Variants in KCNJ6 observed in about 807,000 individuals in gnomAD.
KCNJ6 encodes G protein-activated inward rectifier potassium channel 2.
In KCNJ6, 9 loss-of-function variants were observed where a neutral mutation model predicts 34.2. The observed-to-expected ratio is 0.26, with a 90% CI of 0.16 to 0.46. The LOEUF (loss-of-function observed/expected upper bound fraction) is 0.46. Among genes scored for constraint, KCNJ6 ranks in the 20% least tolerant of loss-of-function variants. The probability of loss-of-function intolerance (pLI) is 1.00; values close to 1 mark genes in which losing one functional copy is unlikely to be tolerated. For missense variants in KCNJ6, 236 were observed against 531.3 expected, an observed-to-expected ratio of 0.44 and a Z score of 5.46; for synonymous variants, 196 against 207.1, an observed-to-expected ratio of 0.95 and a Z score of 0.46.
intron 1 of KCNJ6, among the ~76,000 whole-genome samples, chr21:37,880,141 G>A (rs571144605): frequency 4.0e-5 from 6 of 151,714 alleles, no homozygotes; most frequent in South Asian, 2.1e-4. Context: ...ATAATTACAG[G>A]TGGCAGGCAC....
chr21:37,840,895 T>C (rs181190086), intron 1 of KCNJ6, among the ~76,000 whole-genome samples, 186 bp from the exon 2 acceptor site: 2 of 152,324 alleles, frequency 1.3e-5, no homozygotes, highest in East Asian at 3.9e-4. Context: ...AAAGAGATTT[T>C]TAGGGCATTA....
chr21:37,825,952 G>C (rs747739644), intron 2 of KCNJ6, among the ~76,000 whole-genome samples: 78 of 152,170 alleles, frequency 5.1e-4, no homozygotes, highest in African/African-American at 1.8e-3. Context: ...CCCATGATGC[G>C]TGGGAATTTT....
At chr21:37,664,920 C>T (rs547310502) in intron 3 of KCNJ6, among the ~76,000 whole-genome samples, 3 of 151,520 alleles carry the variant, frequency 2.0e-5, no homozygotes, top group South Asian at 2.1e-4. Flanking sequence ...CTCAGCCTCC[C>T]GAGTAACTGG....
chr21:37,653,801 A>G (rs2835869), intron 3 of KCNJ6, among the ~76,000 whole-genome samples: 23,862 of 152,156 alleles, frequency 0.16, 3,042 homozygotes, highest in African/African-American at 0.35. Flanking sequence ...CAGGTTGCAC[A>G]AGGTAAGCAT....
chr21:37,655,060 G>A (rs2054451483), intron 3 of KCNJ6, among the ~76,000 whole-genome samples: 1 of 152,060 alleles, frequency 6.6e-6, no homozygotes, highest in African/African-American at 2.4e-5. Flanking sequence ...CAAAGGAAGT[G>A]GAGCAGGGAG....
intron 3 of KCNJ6, among the ~76,000 whole-genome samples, chr21:37,672,756 C>T (rs773454044): frequency 8.6e-5 from 13 of 151,890 alleles, no homozygotes; most frequent in Admixed American, 4.6e-4. Context: ...CTTCCCTTCC[C>T]TTCCTTTCTC....
chr21:37,817,748 T>G (rs1459919709), intron 2 of KCNJ6, among the ~76,000 whole-genome samples: 1 of 152,200 alleles, frequency 6.6e-6, no homozygotes, highest in Admixed American at 6.5e-5. Context: ...GATTTGCTGA[T>G]GCACACTGAC....
chr21:37,896,491 C>T (rs1034622243), intron 1 of KCNJ6, among the ~76,000 whole-genome samples: 15 of 152,154 alleles, frequency 9.9e-5, no homozygotes, highest in African/African-American at 2.4e-4. Context: ...GCATGGGGTT[C>T]GGCTGTGTCT....
rs762177750 is a variant in KCNJ6 at position 37,688,382 on chromosome 21, A to ATTTT, written c.946+25828_946+25829insAAAA. 2.2e-3 allele frequency among the ~76,000 whole-genome samples: 328 copies of ATTTT among 148,108 alleles called. 3 individuals carry two copies. Among genetic ancestry groups the ATTTT allele is most frequent in the South Asian group, 4.8e-3 (22 of 4,580 alleles). On this transcript the variant is annotated intron_variant, in intron 3 of 3. Coordinates refer to ENST00000609713, the MANE Select transcript of KCNJ6 (RefSeq NM_002240.5). The stretch of plus-strand genomic sequence containing the variant: ...GTATTTTAAAAGCATTTTTTTTTTA[A>ATTTT]AAAATCTACTACATTCTAGATTCTA...
At chr21:37,832,709 T>TG (rs1264420352) in intron 2 of KCNJ6, among the ~76,000 whole-genome samples, 3 of 152,040 alleles carry the variant, frequency 2.0e-5, no homozygotes, top group Admixed American at 2.0e-4. Context: ...CTGTATCTGG[T>TG]GGGGGGCGGG....
intron 1 of KCNJ6, among the ~76,000 whole-genome samples, chr21:37,878,416 TGTTCTGA>T (rs2055689908): frequency 1.3e-5 from 2 of 152,258 alleles, no homozygotes; most frequent in South Asian, 4.1e-4. Flanking sequence ...TGCTTAGCAG[TGTTCTGA>T]GTTAGGCAAG....
At chr21:37,632,491 C>T (rs1301810322) in intron 3 of KCNJ6, among the ~76,000 whole-genome samples, 7 of 151,970 alleles carry the variant, frequency 4.6e-5, no homozygotes, top group South Asian at 4.2e-4. Context: ...AATTAATTCA[C>T]GGGAAATAGG....
intron 3 of KCNJ6, among the ~76,000 whole-genome samples, chr21:37,690,495 G>A (rs943835591): frequency 2.6e-5 from 4 of 152,188 alleles, no homozygotes; most frequent in Non-Finnish European, 5.9e-5. Context: ...TTTGTAATGG[G>A]CATTGCTGGG....
Position 37,889,136 on chromosome 21 carries a change from C to A in KCNJ6, c.-28+26748G>T, listed in dbSNP as rs117726989. ...GCTTCAAAATCAGATGTGAACCACA[C>A]GTGACTGAGGGAACCTTAAACTGGC... is the stretch of plus-strand genomic sequence containing the variant. On this transcript the variant is annotated intron_variant, in intron 1 of 3. Transcript: ENST00000609713. Among the ~76,000 whole-genome samples the A allele has an allele frequency of 5.5e-3, 840 of 152,232 alleles. 34 individuals are homozygous for A. In the South Asian group the frequency reaches 0.087, roughly 16 times the overall value.
chr21:37,776,079 C>T (rs374396067), intron 2 of KCNJ6, among the ~76,000 whole-genome samples: 2 of 151,988 alleles, frequency 1.3e-5, no homozygotes, highest in South Asian at 2.1e-4. Flanking sequence ...CCCTTGTAAG[C>T]TGGATTCCTA....
Position 37,714,644 on chromosome 21 carries a change from G to A in KCNJ6, c.513C>T (p.Leu171=). The stretch of plus-strand genomic sequence containing the variant: ...TGGACCCCAACACAGATTGGATTAA[G>A]AGAAGAATAATTCCCTCTGGGCATT... The part of the protein sequence containing the change: ...TDKCPEGIIL[L]LIQSVLGSIV... The change falls in exon 3 of 4, where the codon CTC becomes CTT. Residue 171 remains leucine, a synonymous_variant. Transcript: ENST00000609713. The surrounding 1 kb of genome is among the most constrained non-coding windows in gnomAD (Gnocchi z 5.9). 6.2e-7 allele frequency: 1 copy of A among 1,614,128 alleles called. No homozygotes were observed. The highest frequency in any genetic ancestry group is 8.5e-7 in the Non-Finnish European group (1 of 1,180,026).
chr21:37,877,517 A>C (rs1015375725), intron 1 of KCNJ6, among the ~76,000 whole-genome samples: 4 of 152,164 alleles, frequency 2.6e-5, no homozygotes, highest in African/African-American at 9.7e-5. Flanking sequence ...TTGCTTTCCA[A>C]ATAAAAGGAA....
rs2054266594 is a variant in KCNJ6 at position 37,616,315 on chromosome 21, A to G, written c.*8844T>C. ...GGGGAGTCAATCATTTTGGAATCCT[A>G]TGAACTTGTGAGTTCACTGTTGTCT... On this transcript the variant is annotated 3_prime_UTR_variant, in exon 4 of 4. Coordinates refer to ENST00000609713, the MANE Select transcript of KCNJ6 (RefSeq NM_002240.5). 1 of 152,018 alleles carries G rather than the reference A, an allele frequency of 6.6e-6. No homozygotes were observed. The highest frequency in any genetic ancestry group is 6.6e-5 in the Admixed American group (1 of 15,256). The allele number at this position is 152,018 out of a possible 1,614,324, so 9.4% of individuals were successfully genotyped here.
At position 37,762,206 on chromosome 21, in the gene KCNJ6, C is replaced by G. The variant is rs1300532608; in HGVS notation, c.26-47075G>C. 2.0e-5 allele frequency among the ~76,000 whole-genome samples: 3 copies of G among 152,158 alleles called. No homozygotes were observed. In the South Asian group the frequency reaches 6.2e-4, roughly 31 times the overall value. The stretch of plus-strand genomic sequence containing the variant: ...TAGACAGGCCAGGCCCATCTGAACC[C>G]ACTCCTCTGGCTCCCTGAGGAGTGT... On this transcript the variant is annotated intron_variant, in intron 2 of 3. Coordinates refer to ENST00000609713, the MANE Select transcript of KCNJ6 (RefSeq NM_002240.5).
Sources: gnomAD v4.1 joint callset for allele counts (sites outside exome capture counted in the v4.1 genomes callset) on GRCh38, gnomAD v4.1.1 for gene constraint, Gnocchi (gnomAD v3.1) non-coding constraint, MANE v1.5 for transcripts, NCBI Gene and HGNC (gene_info 2026-07-23, HGNC 2026-07-21) for gene names.